Variants in FBLN2 observed in about 807,000 individuals in gnomAD.
FBLN2 encodes fibulin 2, also known as fibulin-2.
FBLN2 carries 81 observed loss-of-function variants against 123.7 expected under a neutral mutation model. That is an observed-to-expected ratio of 0.65 (90% CI 0.55 to 0.79). FBLN2 has a LOEUF of 0.79. Ranked by LOEUF, FBLN2 falls within the 30% of genes least tolerant of loss-of-function variation. The pLI is 0.00. For missense variants in FBLN2, 1,603 were observed against 1,681.3 expected (o/e 0.95, Z 0.81); for synonymous variants, 699 against 701.4 (o/e 1.00, Z 0.05).
chr3:13,552,575 C>T (rs763592137), intron 1 of FBLN2, among the ~76,000 whole-genome samples: 2 of 152,102 alleles, frequency 1.3e-5, no homozygotes, highest in Non-Finnish European at 2.9e-5. Flanking sequence ...TCTACCCTCC[C>T]AATAGACCAG....
At chr3:13,606,133 C>T (rs549970930) in intron 2 of FBLN2, among the ~76,000 whole-genome samples, 2 of 152,278 alleles carry the variant, frequency 1.3e-5, no homozygotes, top group Admixed American at 1.3e-4. Context: ...CTCCTGAGCT[C>T]AAGTGATGAA....
intron 2 of FBLN2, among the ~76,000 whole-genome samples, chr3:13,587,418 T>C (rs1283798970): frequency 6.6e-6 from 1 of 152,220 alleles, no homozygotes; most frequent in African/African-American, 2.4e-5. Flanking sequence ...TAGTGCACAG[T>C]AGTGCCCTAG....
At chr3:13,612,339 C>CT (rs779739867) in intron 4 of FBLN2, among the ~76,000 whole-genome samples, 1 of 27,248 alleles carries the variant, frequency 3.7e-5, no homozygotes, top group African/African-American at 2.4e-4. Flanking sequence ...TTCTTTCTTT[C>CT]TTTTCTTTCT....
intron 2 of FBLN2, among the ~76,000 whole-genome samples, chr3:13,598,995 T>A (rs542463728): frequency 6.6e-6 from 1 of 152,312 alleles, no homozygotes; most frequent in East Asian, 1.9e-4. Context: ...GAACAGCGTG[T>A]GCAAAGGCGT....
At chr3:13,570,252 G>GGTGTGCACCGTGTCTGT in intron 1 of FBLN2, 63 bp from the exon 2 acceptor site, 1 of 1,433,024 alleles carries the variant, frequency 7.0e-7, no homozygotes, top group African/African-American at 1.4e-5. Context: ...CGTGCGTGCC[G>GGTGTGCACCGTGTCTGT]GTGTGCACCG....
intron 16 of FBLN2, among the ~76,000 whole-genome samples, chr3:13,635,226 G>A (rs1706414321): frequency 6.6e-6 from 1 of 152,156 alleles, no homozygotes; most frequent in South Asian, 2.1e-4. Flanking sequence ...GAAGCCCTCT[G>A]TGGTTGCCCC....
chr3:13,590,460 G>A (rs1704634163), intron 2 of FBLN2, among the ~76,000 whole-genome samples: 1 of 152,102 alleles, frequency 6.6e-6, no homozygotes, highest in South Asian at 2.1e-4. Context: ...CAAGTAGCTG[G>A]GACTACAGGT....
At chr3:13,636,891 G>A (rs41284005) in intron 17 of FBLN2, among the ~76,000 whole-genome samples, 19,596 of 152,284 alleles carry the variant, frequency 0.13, 1,605 homozygotes, top group Non-Finnish European at 0.19. Flanking sequence ...TTGTCACGCA[G>A]TGTCTGAGGG....
intron 1 of FBLN2, among the ~76,000 whole-genome samples, chr3:13,560,869 A>G (rs1703583399): frequency 6.6e-6 from 1 of 151,918 alleles, no homozygotes; most frequent in South Asian, 2.1e-4. Context: ...GCTGGAGTGC[A>G]GTGGTGTGAT....
At chr3:13,635,233 C>T (rs1575004762) in intron 16 of FBLN2, among the ~76,000 whole-genome samples, 1 of 152,186 alleles carries the variant, frequency 6.6e-6, no homozygotes, top group South Asian at 2.1e-4. Context: ...TCTGTGGTTG[C>T]CCCTGGAACA....
chr3:13,627,962 C>T lies in FBLN2; in HGVS notation c.2562C>T (p.Asn854=). 3 of 1,613,288 alleles carry T rather than the reference C, an allele frequency of 1.9e-6. No homozygotes were observed. The highest frequency in any genetic ancestry group is 2.5e-6 in the Non-Finnish European group (3 of 1,179,516). Reference sequence around the variant, plus strand: ...GCTTCCTGCAGGATCCTGAAGGCAACTGTGTGGGTGAGCGGGGGCTGCAGG... The same window carrying T: ...GCTTCCTGCAGGATCCTGAAGGCAATTGTGTGGGTGAGCGGGGGCTGCAGG... ...MDGFLQDPEG[N]CVDINECTSL... Residue 854 remains asparagine (N), a synonymous_variant, in exon 11 of 18, where the codon AAC becomes AAT. Transcript: ENST00000404922.
At chr3:13,595,220 C>T (rs1323493589) in intron 2 of FBLN2, among the ~76,000 whole-genome samples, 1 of 152,142 alleles carries the variant, frequency 6.6e-6, no homozygotes, top group Non-Finnish European at 1.5e-5. Context: ...ACAGTAAACA[C>T]CCACAGAGGA....
Position 13,564,128 on chromosome 3 carries a change from G to A in FBLN2, c.-41-6187G>A, listed in dbSNP as rs73148603. Among the ~76,000 whole-genome samples, 1,309 of 152,258 alleles carry A rather than the reference G, an allele frequency of 8.6e-3. 20 individuals carry two copies. Among genetic ancestry groups the A allele is most frequent in the African/African-American group, 0.03 (1,232 of 41,548 alleles). On this transcript the variant is annotated intron_variant, in intron 1 of 17. Transcript: ENST00000404922. The stretch of plus-strand genomic sequence containing the variant: ...GTAATATTGGCAGCTAATTTATAAA[G>A]CACCATGTGGGCCCCACAAACACAT...
At chr3:13,619,213 G>A (rs1245478402) in intron 7 of FBLN2, among the ~76,000 whole-genome samples, 196 bp downstream of exon 7, 1 of 152,234 alleles carries the variant, frequency 6.6e-6, no homozygotes, top group African/African-American at 2.4e-5. Context: ...GAGATGTGGT[G>A]TGGGGACAGC....
intron 2 of FBLN2, among the ~76,000 whole-genome samples, chr3:13,581,559 C>T (rs1704329553): frequency 6.6e-6 from 1 of 152,190 alleles, no homozygotes; most frequent in Non-Finnish European, 1.5e-5. Flanking sequence ...TCCGAACTAG[C>T]AGGGCCGCTG....
At chr3:13,616,470 C>T (rs554673279) in intron 5 of FBLN2, among the ~76,000 whole-genome samples, 11 of 152,306 alleles carry the variant, frequency 7.2e-5, no homozygotes, top group Non-Finnish European at 1.3e-4. Context: ...CAGGTCTGTC[C>T]GCCGCCTGCC....
At chr3:13,609,872 T>TACACACAGTGTAGGCATCAGGGATGTA (rs887279700) in intron 4 of FBLN2, among the ~76,000 whole-genome samples, 2 of 152,250 alleles carry the variant, frequency 1.3e-5, no homozygotes, top group African/African-American at 4.8e-5. Flanking sequence ...CTGTGTGCCC[T>TACACACAGTGTAGGCATCAGGGATGTA]GGGCATCAGG....
chr3:13,623,716 A>G (rs1705932627), intron 9 of FBLN2, among the ~76,000 whole-genome samples: 1 of 152,258 alleles, frequency 6.6e-6, no homozygotes, highest in Non-Finnish European at 1.5e-5. Flanking sequence ...TGGCTCTTTC[A>G]ATTTTTAATC....
At chr3:13,607,399 A>G (rs1455246194) in intron 2 of FBLN2, among the ~76,000 whole-genome samples, 1 of 152,206 alleles carries the variant, frequency 6.6e-6, no homozygotes, top group Non-Finnish European at 1.5e-5. Flanking sequence ...AAAGGTCTTC[A>G]TCCTCACTGT....
Sources: allele counts gnomAD v4.1 joint callset (sites outside exome capture counted in the v4.1 genomes callset), GRCh38; gene constraint gnomAD v4.1.1; transcripts MANE v1.5; gene names NCBI Gene and HGNC (gene_info 2026-07-23, HGNC 2026-07-21).